Variants in MRPS21 observed in about 807,000 individuals in gnomAD.
The protein encoded by MRPS21 is mitochondrial ribosomal protein S21, also known as small ribosomal subunit protein bS21m.
MRPS21 carries 8 observed loss-of-function variants against 9.9 expected under a neutral mutation model. That is an observed-to-expected ratio of 0.81 (90% CI 0.47 to 1.45). The LOEUF is 1.45. Among genes scored for constraint, MRPS21 ranks in the 40% most tolerant of loss-of-function variants. The pLI is 0.00. For synonymous variants in MRPS21, 40 were observed against 40.3 expected, an observed-to-expected ratio of 0.99 and a Z score of 0.03; for missense variants, 101 against 118.9, an observed-to-expected ratio of 0.85 and a Z score of 0.70.
intron 2 of MRPS21, among the ~76,000 whole-genome samples, chr1:150,298,560 C>G (rs1415356956): frequency 1.3e-5 from 2 of 152,108 alleles, no homozygotes; most frequent in African/African-American, 2.4e-5. Flanking sequence ...AAATTAGCTA[C>G]TTTGACAAAA....
Position 150,308,156 on chromosome 1 carries a change from C to A in MRPS21, c.192C>A (p.Tyr64Ter). The A allele has an allele frequency of 6.2e-7, 1 of 1,609,752 alleles. No individual in the cohort carries two copies. Among genetic ancestry groups the A allele is most frequent in the Non-Finnish European group, 8.5e-7 (1 of 1,176,264 alleles). The change falls in exon 3 of 3, where the codon TAC becomes TAA. Residue 64 changes from tyrosine to a stop codon, truncating the protein, a stop_gained. Transcript: ENST00000614145. LOFTEE classifies it high-confidence loss of function. ...RESYERCRRI[Y>*]NMEMARKINF... ...GCTATGAAAGGTGCCGGCGGATCTA[C>A]AACATGGAAATGGCTCGCAAGATCA...
At chr1:150,299,581 T>C (rs1614039) in intron 2 of MRPS21, among the ~76,000 whole-genome samples, 104,821 of 152,012 alleles carry the variant, frequency 0.69, 37,120 homozygotes, top group African/African-American at 0.86. Flanking sequence ...CAGCCCCCCG[T>C]GTAGCTGGGA....
chr1:150,294,593 T>G, intron 2 of MRPS21, 144 bp downstream of exon 2: 1 of 720,466 alleles, frequency 1.4e-6, no homozygotes, highest in South Asian at 1.7e-5. Context: ...CCCCTCAGTT[T>G]ATTATCTTAA....
At chr1:150,299,328 T>C (rs769307372) in intron 2 of MRPS21, among the ~76,000 whole-genome samples, 7 of 152,238 alleles carry the variant, frequency 4.6e-5, no homozygotes, top group Non-Finnish European at 8.8e-5. Flanking sequence ...CTTATTTCTT[T>C]GTCTAAGATT....
At chr1:150,305,621 A>C (rs971302216) in intron 2 of MRPS21, among the ~76,000 whole-genome samples, 22 of 152,048 alleles carry the variant, frequency 1.4e-4, no homozygotes, top group African/African-American at 5.3e-4. Context: ...TTTGAGATGG[A>C]GTCTCCATCT....
At position 150,308,037 on chromosome 1, in the gene MRPS21, C is replaced by A; in HGVS notation, c.84-11C>A. The A allele has an allele frequency of 6.4e-7, 1 of 1,568,766 alleles. No individual in the cohort carries two copies. Among genetic ancestry groups the A allele is most frequent in the Non-Finnish European group, 8.7e-7 (1 of 1,144,978 alleles). On this transcript the variant is annotated splice_polypyrimidine_tract_variant and intron_variant, in intron 2 of 2. Transcript: ENST00000614145. ...CCCAAATGTCTAACCTCATTGCTTG[C>A]CTTTATACAGAATCCTCACTATGGA...
chr1:150,307,995 A>G, intron 2 of MRPS21, 53 bp from the exon 3 acceptor site: 1 of 1,438,016 alleles, frequency 7.0e-7, no homozygotes, highest in South Asian at 1.6e-5. Context: ...ATGAAACTGG[A>G]AAAGAATAAT....
rs1251924467 is a variant in MRPS21, at chr1:150,308,122, A to G, written c.158A>G (p.Gln53Arg). Reference protein sequence around the residue: ...RYYEKPCCRRQRESYERCRRI... With the variant: ...RYYEKPCCRRRRESYERCRRI... ...TATGAGAAGCCATGCTGCCGGCGAC[A>G]GAGGGAAAGCTATGAAAGGTGCCGG... Residue 53 changes from glutamine to arginine, a missense_variant, in exon 3 of 3, where the codon CAG (glutamine) becomes CGG (arginine). Gln to Arg is a conservative substitution (Grantham distance 43, BLOSUM62 1). Coordinates refer to ENST00000614145, the MANE Select transcript of MRPS21 (RefSeq NM_031901.6). 2 of 1,608,464 alleles carry G rather than the reference A, an allele frequency of 1.2e-6. No individual in the cohort carries two copies. Among genetic ancestry groups the G allele is most frequent in the African/African-American group, 2.7e-5 (2 of 74,880 alleles).
intron 2 of MRPS21, among the ~76,000 whole-genome samples, chr1:150,298,037 G>A (rs958243732): frequency 6.6e-6 from 1 of 151,876 alleles, no homozygotes; most frequent in Admixed American, 6.6e-5. Context: ...ATGTTCAAGC[G>A]TTTCTCCTGC....
At position 150,294,416 on chromosome 1, in the gene MRPS21, G is replaced by A. The variant is rs782186334; in HGVS notation, c.50G>A (p.Gly17Glu). 1.2e-6 allele frequency: 2 copies of A among 1,613,750 alleles called. No homozygotes were observed. The highest frequency in any genetic ancestry group is 1.7e-6 in the Non-Finnish European group (2 of 1,179,842). The change falls in exon 2 of 3, where the codon GGG (glycine) becomes GAG (glutamate). Residue 17 changes from glycine to glutamate, a missense_variant. Gly to Glu is a moderately conservative substitution (Grantham distance 98). Transcript: ENST00000614145. ...GCCAGGACTGTGATGGTACAGGAAG[G>A]GAACGTGGAAAGCGCATACAGGACC... ...FIARTVMVQE[G>E]NVESAYRTLN...
intron 2 of MRPS21, among the ~76,000 whole-genome samples, chr1:150,295,118 C>G (rs587595994): frequency 6.6e-6 from 1 of 151,530 alleles, no homozygotes; most frequent in Non-Finnish European, 1.5e-5. Context: ...GCCTCAGCCT[C>G]CTGAGCAGCC....
chr1:150,297,829 C>T (rs2101904344), intron 2 of MRPS21, among the ~76,000 whole-genome samples: 1 of 152,284 alleles, frequency 6.6e-6, no homozygotes, highest in South Asian at 2.1e-4. Context: ...TGTTTCTCCT[C>T]ATTTCTAACT....
chr1:150,298,946 T>C (rs2101905260), intron 2 of MRPS21, among the ~76,000 whole-genome samples: 1 of 152,314 alleles, frequency 6.6e-6, no homozygotes, highest in Middle Eastern at 3.4e-3. Context: ...CTGGGTGCAG[T>C]GCCTCAGTCT....
At chr1:150,296,356 T>G (rs1653915813) in intron 2 of MRPS21, among the ~76,000 whole-genome samples, 1 of 152,362 alleles carries the variant, frequency 6.6e-6, no homozygotes, top group East Asian at 1.9e-4. Flanking sequence ...CGCGTCATTT[T>G]CTTTCCCCAA....
Position 150,294,333 on chromosome 1 carries a change from A to G in MRPS21, c.-32-2A>G. ...CCTCGCCCTTTCTCCATCATCCTTT[A>G]GGCTCTACAGAGTGAAGGTTTAAAT... On this transcript the variant is annotated splice_acceptor_variant, in intron 1 of 2. Transcript: ENST00000614145. LOFTEE classifies it low-confidence loss of function (5UTR_SPLICE). 2 of 1,566,378 alleles carry G rather than the reference A, an allele frequency of 1.3e-6. No homozygotes were observed. The highest frequency in any genetic ancestry group is 1.8e-6 in the Non-Finnish European group (2 of 1,138,406).
rs11410403 is a variant in MRPS21 at position 150,299,429 on chromosome 1, G to GTTT, written c.83+4987_83+4989dup. ...TCAACACTCAGTTTTTGCTTTTCCT[G>GTTT]TTTTTTTTTCTGTTTTTTGTTTGTT... On this transcript the variant is annotated intron_variant, in intron 2 of 2. Coordinates refer to ENST00000614145, the MANE Select transcript of MRPS21 (RefSeq NM_031901.6). Among the ~76,000 whole-genome samples, 793 of 150,390 alleles carry GTTT rather than the reference G, an allele frequency of 5.3e-3. 9 individuals carry two copies. Among genetic ancestry groups the GTTT allele is most frequent in the Middle Eastern group, 0.014 (4 of 288 alleles).
rs1653951480 is a variant in MRPS21, at chr1:150,297,309, A to AT, written c.83+2861dup. ...CTGTCTACAAAAAAAAAAAGAAAAA[A>AT]TGCTGTCAGAAGCTGTGTAAATGAG... is the stretch of plus-strand genomic sequence containing the variant. On this transcript the variant is annotated intron_variant, in intron 2 of 2. Transcript: ENST00000614145. Among the ~76,000 whole-genome samples the AT allele has an allele frequency of 1.3e-5, 2 of 149,526 alleles. 1 individual carries two copies. The highest frequency in any genetic ancestry group is 3.0e-5 in the Non-Finnish European group (2 of 67,358).
intron 2 of MRPS21, among the ~76,000 whole-genome samples, chr1:150,294,827 G>C (rs1653853839): frequency 6.7e-6 from 1 of 150,310 alleles, no homozygotes; most frequent in Non-Finnish European, 1.5e-5. Context: ...GAACCCGGGA[G>C]GCAGAGGTTG....
chr1:150,301,651 C>A (rs1654138529), intron 2 of MRPS21, among the ~76,000 whole-genome samples: 4 of 150,348 alleles, frequency 2.7e-5, no homozygotes, highest in Admixed American at 1.3e-4. Flanking sequence ...GAGTCTCTCT[C>A]TGTTGCCCAG....
Sources: gnomAD v4.1 joint callset for allele counts (sites outside exome capture counted in the v4.1 genomes callset) on GRCh38, gnomAD v4.1.1 for gene constraint, MANE v1.5 for transcripts, NCBI Gene and HGNC (gene_info 2026-07-23, HGNC 2026-07-21) for gene names.